Variants in CERK observed in about 807,000 individuals in gnomAD.
CERK encodes ceramide kinase.
A neutral mutation model predicts 63.4 loss-of-function variants in CERK; 39 were observed. The observed-to-expected ratio is 0.61, with a 90% CI of 0.48 to 0.80. The LOEUF is 0.80. CERK is among the 30% of genes least tolerant of loss of function. The pLI, the probability that CERK is intolerant of heterozygous loss-of-function variation, is 0.00. For missense variants in CERK, 670 were observed against 714.1 expected, an observed-to-expected ratio of 0.94 and a Z score of 0.70; for synonymous variants, 302 against 280.0, an observed-to-expected ratio of 1.08 and a Z score of -0.78.
At chr22:46,707,226 C>T (rs2082817404) in intron 6 of CERK, among the ~76,000 whole-genome samples, 1 of 152,056 alleles carries the variant, frequency 6.6e-6, no homozygotes, top group Non-Finnish European at 1.5e-5. Flanking sequence ...ACACCTCGTC[C>T]CCTGCCAGGT....
rs2082703446 is a variant in CERK, at chr22:46,686,733, A to T, written c.*401T>A. 1 of 206,628 alleles carries T rather than the reference A, an allele frequency of 4.8e-6. No individual in the cohort carries two copies. Among genetic ancestry groups the T allele is most frequent in the Non-Finnish European group, 1.0e-5 (1 of 99,246 alleles). 12.8% of individuals were successfully genotyped at this position (206,628 alleles called of 1,614,324 possible). On this transcript the variant is annotated 3_prime_UTR_variant, in exon 13 of 13. Transcript: ENST00000216264. Reference sequence around the variant, plus strand: ...CAAACCGTTACAGAATAAGTCCTGCAAAGTGGATCAAAGTGACCCACTGCT... The same window carrying T: ...CAAACCGTTACAGAATAAGTCCTGCTAAGTGGATCAAAGTGACCCACTGCT...
chr22:46,684,843 G>A lies in CERK; in HGVS notation c.*2291C>T, dbSNP rs913659495. On this transcript the variant is annotated 3_prime_UTR_variant, in exon 13 of 13. Coordinates refer to ENST00000216264, the MANE Select transcript of CERK (RefSeq NM_022766.6). The stretch of plus-strand genomic sequence containing the variant: ...CCCCATCCTGCGCGCAGATAGCAAA[G>A]GGCTGCTGGCAGGTGTCAGACACAC... The A allele has an allele frequency of 2.0e-5, 3 of 152,208 alleles. No homozygotes were observed. Among genetic ancestry groups the A allele is most frequent in the Non-Finnish European group, 4.4e-5 (3 of 68,044 alleles). The allele number at this position is 152,208 out of a possible 1,614,324, so 9.4% of individuals were successfully genotyped here.
At chr22:46,692,558 C>T (rs1010503732) in intron 10 of CERK, among the ~76,000 whole-genome samples, 7 of 150,850 alleles carry the variant, frequency 4.6e-5, no homozygotes, top group African/African-American at 9.8e-5. Flanking sequence ...GCCGAGATCG[C>T]GCCACTGCAA....
At chr22:46,730,377 C>T (rs1255363322) in intron 1 of CERK, among the ~76,000 whole-genome samples, 1 of 151,768 alleles carries the variant, frequency 6.6e-6, no homozygotes, top group Admixed American at 6.6e-5. Flanking sequence ...GTCGAGATCA[C>T]ACCATTACAC....
chr22:46,704,032 T>C (rs1270846325), intron 6 of CERK, among the ~76,000 whole-genome samples: 1 of 151,974 alleles, frequency 6.6e-6, no homozygotes, highest in African/African-American at 2.4e-5. Flanking sequence ...CCCCAGACCC[T>C]CCCCCAGTGG....
chr22:46,725,952 C>T (rs2082916114), intron 1 of CERK, among the ~76,000 whole-genome samples: 1 of 152,272 alleles, frequency 6.6e-6, no homozygotes, highest in African/African-American at 2.4e-5. Flanking sequence ...AAATTTATTT[C>T]ATGCTTGTGA....
At position 46,695,245 on chromosome 22, in the gene CERK, C is replaced by T. The variant is rs751960449; in HGVS notation, c.1014G>A (p.Val338=). The T allele has an allele frequency of 1.2e-6, 2 of 1,610,492 alleles. No individual in the cohort carries two copies. Among genetic ancestry groups the T allele is most frequent in the African/African-American group, 1.3e-5 (1 of 74,988 alleles). The part of the protein sequence containing the change: ...TVSFLPAQHT[V]GSPRDRKPCR... Reference sequence around the variant, plus strand: ...AGGGCTTCCTATCCCTTGGAGATCCCACCGTGTGTTGTGCAGGGAGGAAGG... The same window carrying T: ...AGGGCTTCCTATCCCTTGGAGATCCTACCGTGTGTTGTGCAGGGAGGAAGG... Residue 338 remains valine (V), a synonymous_variant, in exon 9 of 13, where the codon GTG becomes GTA. Transcript: ENST00000216264.
At chr22:46,722,250 T>A (rs1406236069) in intron 1 of CERK, among the ~76,000 whole-genome samples, 1 of 152,238 alleles carries the variant, frequency 6.6e-6, no homozygotes, top group Non-Finnish European at 1.5e-5. Context: ...GCATCATTTT[T>A]AAAGTTGTGG....
At chr22:46,687,411 C>T (rs1235290171) in intron 12 of CERK, among the ~76,000 whole-genome samples, 1 of 152,192 alleles carries the variant, frequency 6.6e-6, no homozygotes, top group African/African-American at 2.4e-5. Flanking sequence ...AGGAGTCCAG[C>T]CCACAATGAC....
At position 46,698,268 on chromosome 22, in the gene CERK, C is replaced by G. The variant is rs146474458; in HGVS notation, c.943+1045G>C. ...AGCTTTTGGGCTTCAGGGAGTGCGGCGTGGCATTCGCTCCCACTCCTCCTC... is the reference window on the plus strand; with the variant it reads ...AGCTTTTGGGCTTCAGGGAGTGCGGGGTGGCATTCGCTCCCACTCCTCCTC... On this transcript the variant is annotated intron_variant, in intron 8 of 12. Coordinates refer to ENST00000216264, the MANE Select transcript of CERK (RefSeq NM_022766.6). 9.0e-4 allele frequency among the ~76,000 whole-genome samples: 137 copies of G among 152,348 alleles called. 1 individual carries two copies. In the East Asian group the frequency reaches 0.024, roughly 27 times the overall value.
intron 3 of CERK, among the ~76,000 whole-genome samples, 197 bp from the exon 4 acceptor site, chr22:46,712,490 C>T (rs1488892505): frequency 1.3e-5 from 2 of 152,184 alleles, no homozygotes; most frequent in Non-Finnish European, 2.9e-5. Flanking sequence ...GGTTGTCCAA[C>T]TGGGCAAAGG....
intron 6 of CERK, among the ~76,000 whole-genome samples, chr22:46,702,601 T>C (rs2082792758): frequency 6.6e-6 from 1 of 152,214 alleles, no homozygotes; most frequent in Non-Finnish European, 1.5e-5. Context: ...CGTAAACTTC[T>C]GAAACAGCTG....
At chr22:46,696,403 G>C (rs1363112242) in intron 8 of CERK, among the ~76,000 whole-genome samples, 2 of 152,142 alleles carry the variant, frequency 1.3e-5, no homozygotes, top group Non-Finnish European at 2.9e-5. Flanking sequence ...CCACGGCCCT[G>C]GGAGGAGGCC....
chr22:46,711,856 G>A (rs1039647344), intron 4 of CERK, among the ~76,000 whole-genome samples: 1 of 152,198 alleles, frequency 6.6e-6, no homozygotes, highest in Non-Finnish European at 1.5e-5. Flanking sequence ...GGAGGCTAAG[G>A]TGGGCAACAT....
At chr22:46,728,158 A>G (rs911024079) in intron 1 of CERK, among the ~76,000 whole-genome samples, 1 of 151,992 alleles carries the variant, frequency 6.6e-6, no homozygotes, top group African/African-American at 2.4e-5. Flanking sequence ...GCATCTCAAC[A>G]CAGAACACCC....
At chr22:46,701,584 G>A (rs1424355767) in intron 7 of CERK, 52 bp downstream of exon 7, 44 of 1,465,602 alleles carry the variant, frequency 3.0e-5, no homozygotes, top group Non-Finnish European at 4.0e-5. Flanking sequence ...ACAGGCCTGG[G>A]GGCGCAGGAG....
chr22:46,721,278 A>G (rs11913218), intron 1 of CERK, among the ~76,000 whole-genome samples: 2 of 151,352 alleles, frequency 1.3e-5, no homozygotes, highest in African/African-American at 4.9e-5. Flanking sequence ...CTCCAAAAAG[A>G]AAAAAGATAT....
chr22:46,701,449 A>G (rs1014049507), intron 7 of CERK, among the ~76,000 whole-genome samples, 187 bp downstream of exon 7: 1 of 152,240 alleles, frequency 6.6e-6, no homozygotes, highest in Admixed American at 6.5e-5. Context: ...CCGTCCTGAC[A>G]ACGTGGCCTC....
At chr22:46,730,550 A>G (rs2082940565) in intron 1 of CERK, among the ~76,000 whole-genome samples, 1 of 152,264 alleles carries the variant, frequency 6.6e-6, no homozygotes, top group African/African-American at 2.4e-5. Context: ...TGAATTAGAT[A>G]GAGGAATAGT....
Sources: gnomAD v4.1 joint callset for allele counts (sites outside exome capture counted in the v4.1 genomes callset) on GRCh38, gnomAD v4.1.1 for gene constraint, MANE v1.5 for transcripts, NCBI Gene and HGNC (gene_info 2026-07-23, HGNC 2026-07-21) for gene names.